The following FIG4 variants were observed in gnomAD, a reference collection of about 807,000 sequenced individuals.
The protein encoded by FIG4 is FIG4 phosphoinositide 5-phosphatase, also known as polyphosphoinositide phosphatase.
FIG4 carries 112 observed loss-of-function variants against 118.6 expected under a neutral mutation model. That is an observed-to-expected ratio of 0.94 (90% CI 0.81 to 1.11). The LOEUF (loss-of-function observed/expected upper bound fraction) is 1.11, where lower values mean the gene tolerates loss of function less well. Among genes scored for constraint, FIG4 ranks in the 50% least tolerant of loss-of-function variants. The probability of loss-of-function intolerance (pLI) is 0.00; values close to 1 mark genes in which losing one functional copy is unlikely to be tolerated. For missense variants in FIG4, 969 were observed against 1,111.7 expected, an observed-to-expected ratio of 0.87 and a Z score of 1.83; for synonymous variants, 369 against 381.2, an observed-to-expected ratio of 0.97 and a Z score of 0.37.
intron 3 of FIG4, among the ~76,000 whole-genome samples, chr6:109,718,682 T>G (rs1040881504): frequency 6.6e-6 from 1 of 152,124 alleles, no homozygotes; most frequent in Non-Finnish European, 1.5e-5. Flanking sequence ...GAGAAGGCCC[T>G]TGAGGTTACA....
chr6:109,764,781 C>G (rs566449202), intron 13 of FIG4, among the ~76,000 whole-genome samples: 1 of 152,160 alleles, frequency 6.6e-6, no homozygotes, highest in African/African-American at 2.4e-5. Flanking sequence ...GAAGATTTAA[C>G]GGTGCTGTTA....
rs190120133 is a variant in FIG4 at position 109,696,245 on chromosome 6, C to A, written c.66+4744C>A. On this transcript the variant is annotated intron_variant, in intron 1 of 22. Transcript: ENST00000230124. ...TCTGACGGGCTGTTTTCAAACTGATCTGTTATCCTTCCTAGTACTTCAAAC... is the reference window on the plus strand; with the variant it reads ...TCTGACGGGCTGTTTTCAAACTGATATGTTATCCTTCCTAGTACTTCAAAC... Among the ~76,000 whole-genome samples the A allele has an allele frequency of 8.7e-4, 132 of 152,264 alleles. 1 individual carries two copies. Among genetic ancestry groups the A allele is most frequent in the African/African-American group, 3.2e-3 (131 of 41,542 alleles).
intron 10 of FIG4, among the ~76,000 whole-genome samples, chr6:109,754,013 G>T (rs1430914247): frequency 6.6e-6 from 1 of 152,160 alleles, no homozygotes; most frequent in Non-Finnish European, 1.5e-5. Context: ...TCCCTGTCTT[G>T]TGCCAGTTTT....
At chr6:109,745,303 G>A (rs1418656958) in intron 10 of FIG4, among the ~76,000 whole-genome samples, 1 of 152,138 alleles carries the variant, frequency 6.6e-6, no homozygotes, top group Admixed American at 6.6e-5. Flanking sequence ...TCCAGCACCT[G>A]TTGTTTCCTG....
At chr6:109,824,426 G>A (rs982279566) in intron 22 of FIG4, among the ~76,000 whole-genome samples, 3 of 152,180 alleles carry the variant, frequency 2.0e-5, no homozygotes, top group Non-Finnish European at 4.4e-5. Flanking sequence ...ATTATTGTCA[G>A]CTCATTAGGA....
intron 16 of FIG4, among the ~76,000 whole-genome samples, chr6:109,781,980 G>T (rs1380166502): frequency 1.3e-5 from 2 of 151,766 alleles, no homozygotes; most frequent in Non-Finnish European, 2.9e-5. Flanking sequence ...TCTCTGTCTT[G>T]TTCACAAATA....
At chr6:109,697,780 A>G (rs1307423391) in intron 1 of FIG4, among the ~76,000 whole-genome samples, 2 of 152,234 alleles carry the variant, frequency 1.3e-5, no homozygotes, top group African/African-American at 2.4e-5. Context: ...CAATTGTCCC[A>G]TATCATTTGT....
In FIG4 at chr6:109,825,108, C is replaced by T. The variant is rs200970494; in HGVS notation, c.2567C>T (p.Ser856Leu). Residue 856 changes from serine (S) to leucine (L), a missense_variant, in exon 23 of 23, where the codon TCG (serine) becomes TTG (leucine). This residue lies in a region of FIG4 where 330 missense variants were observed against 348.1 expected (regional missense o/e 0.95). Transcript: ENST00000230124. ...VIKLTPISAF[S>L]QDNIYEVQPP... ...TATAGAACACCCATCTCGGCTTTCTCGCAAGATAACATCTATGAAGTTCAG... is the reference window on the plus strand; with the variant it reads ...TATAGAACACCCATCTCGGCTTTCTTGCAAGATAACATCTATGAAGTTCAG... The T allele has an allele frequency of 3.5e-5, 57 of 1,613,916 alleles. No individual in the cohort carries two copies. The highest frequency in any genetic ancestry group is 4.5e-5 in the Non-Finnish European group (53 of 1,179,830).
Position 109,789,673 on chromosome 6 carries a change from T to C in FIG4, c.2176T>C (p.Leu726=), listed in dbSNP as rs748420417. Residue 726 remains leucine (L), a synonymous_variant, in exon 19 of 23, where the codon TTG becomes CTG. Coordinates refer to ENST00000230124, the MANE Select transcript of FIG4 (RefSeq NM_014845.6). ...ACCAGATGAAACTGGAAAATCAGTA[T>C]TGGGGTAAGATTTGTGTATAGAACG... The part of the protein sequence containing the change: ...RKPDETGKSV[L]GNKSNREEAV... 6.2e-7 allele frequency: 1 copy of C among 1,606,854 alleles called. No individual in the cohort carries two copies. The highest frequency in any genetic ancestry group is 1.7e-5 in the Admixed American group (1 of 59,994).
chr6:109,732,111 A>G (rs1405602613), intron 4 of FIG4, among the ~76,000 whole-genome samples: 1 of 152,196 alleles, frequency 6.6e-6, no homozygotes, highest in Non-Finnish European at 1.5e-5. Context: ...GGGAATGTTA[A>G]CTTTTTAAAT....
intron 12 of FIG4, 142 bp from the exon 13 acceptor site, chr6:109,763,795 G>T: frequency 1.5e-6 from 1 of 671,950 alleles, no homozygotes; most frequent in African/African-American, 1.8e-5. Flanking sequence ...CTGAAAGAAT[G>T]AGAGTAGGCA....
intron 3 of FIG4, among the ~76,000 whole-genome samples, chr6:109,726,585 A>T (rs1415273692): frequency 1.3e-5 from 2 of 152,114 alleles, no homozygotes; most frequent in Non-Finnish European, 2.9e-5. Flanking sequence ...TGTCTTGGCT[A>T]TGAGGGCTCT....
intron 16 of FIG4, among the ~76,000 whole-genome samples, chr6:109,781,056 T>A (rs1562680453): frequency 6.6e-6 from 1 of 152,210 alleles, no homozygotes; most frequent in Non-Finnish European, 1.5e-5. Flanking sequence ...ATATGTGAGT[T>A]CCCTTTCTGT....
chr6:109,792,921 G>A (rs1283789216), intron 21 of FIG4, among the ~76,000 whole-genome samples: 1 of 151,836 alleles, frequency 6.6e-6, no homozygotes, highest in African/African-American at 2.4e-5. Context: ...AAACTCCTGA[G>A]CTCAGGCAAT....
chr6:109,712,739 C>G (rs1775304579), intron 1 of FIG4, among the ~76,000 whole-genome samples: 1 of 152,148 alleles, frequency 6.6e-6, no homozygotes, highest in South Asian at 2.1e-4. Flanking sequence ...GTCATGTCAG[C>G]CATCTCAGCC....
intron 16 of FIG4, among the ~76,000 whole-genome samples, chr6:109,783,724 C>A (rs1777874058): frequency 6.6e-6 from 1 of 152,162 alleles, no homozygotes; most frequent in Admixed American, 6.5e-5. Context: ...AGGATCTGCC[C>A]CTTTGGTTTT....
chr6:109,824,956 C>T (rs1779115290), intron 22 of FIG4, 132 bp from the exon 23 acceptor site: 2 of 813,744 alleles, frequency 2.5e-6, no homozygotes, highest in Non-Finnish European at 4.2e-6. Context: ...CTGGGGAGGT[C>T]ATCCCAGCAG....
At chr6:109,810,196 A>T (rs947240556) in intron 22 of FIG4, among the ~76,000 whole-genome samples, 1 of 152,212 alleles carries the variant, frequency 6.6e-6, no homozygotes, top group Non-Finnish European at 1.5e-5. Flanking sequence ...TAGAATACTC[A>T]TTCAGGGTGC....
In FIG4 at chr6:109,825,076, C is replaced by T. The variant is rs778747845; in HGVS notation, c.2547-12C>T. 1.1e-5 allele frequency: 18 copies of T among 1,611,976 alleles called. No homozygotes were observed. Among genetic ancestry groups the T allele is most frequent in the Non-Finnish European group, 1.5e-5 (18 of 1,178,206 alleles). On this transcript the variant is annotated splice_polypyrimidine_tract_variant and intron_variant, in intron 22 of 22. Coordinates refer to ENST00000230124, the MANE Select transcript of FIG4 (RefSeq NM_014845.6). ...TCTTTAATGCAGCCCTCTCTTTATT[C>T]ATCTTTTATAGAACACCCATCTCGG...
Sources: gnomAD v4.1 joint callset for allele counts (sites outside exome capture counted in the v4.1 genomes callset) on GRCh38, gnomAD v4.1.1 for gene constraint, gnomAD v4.1.1 regional missense constraint, MANE v1.5 for transcripts, NCBI Gene and HGNC (gene_info 2026-07-23, HGNC 2026-07-21) for gene names.